The following ITSN2 variants were observed in gnomAD, a reference collection of about 807,000 sequenced individuals.
ITSN2 encodes the protein intersectin-2.
A neutral mutation model predicts 243.7 loss-of-function variants in ITSN2; 156 were observed. That is an observed-to-expected ratio of 0.64 (90% confidence interval 0.56 to 0.73). The LOEUF (loss-of-function observed/expected upper bound fraction) is 0.73, where lower values mean the gene tolerates loss of function less well. Ranked by LOEUF, ITSN2 falls within the 30% of genes least tolerant of loss-of-function variation. ITSN2 has a pLI of 0.00. For missense variants in ITSN2, 1,801 were observed against 1,996.1 expected (o/e 0.90, Z 1.86); for synonymous variants, 703 against 699.9 (o/e 1.00, Z -0.07).
rs1424335408 is a variant in ITSN2, at chr2:24,269,562, G to A, written c.2355+1109C>T. The stretch of plus-strand genomic sequence containing the variant: ...GCCACCAGAATGGCTCTCTGACCAT[G>A]GGAGAGGTCTGTGCTAAAGCTGGTA... On this transcript the variant is annotated intron_variant, in intron 20 of 39. Coordinates refer to ENST00000355123, the MANE Select transcript of ITSN2 (RefSeq NM_006277.3). Among the ~76,000 whole-genome samples, 4 of 152,202 alleles carry A rather than the reference G, an allele frequency of 2.6e-5. No homozygotes were observed. The East Asian group carries it at 7.7e-4, about 29-fold the overall frequency.
At position 24,209,866 on chromosome 2, in the gene ITSN2, C is replaced by G; in HGVS notation, c.4425G>C (p.Glu1475Asp). 1 of 1,614,198 alleles carries G rather than the reference C, an allele frequency of 6.2e-7. No individual in the cohort carries two copies. Among genetic ancestry groups the G allele is most frequent in the Non-Finnish European group, 8.5e-7 (1 of 1,180,036 alleles). ...VKQFAVSSGS[E>D]KLFSSKSNAQ... is the part of the protein sequence containing the mutation. The stretch of plus-strand genomic sequence containing the variant: ...CATTGGACTTCGAGCTGAAAAGTTT[C>G]TCAGAGCCAGAGGAAACAGCAAACT... The change falls in exon 35 of 40, where the codon GAG (glutamate) becomes GAC (aspartate). Residue 1475 changes from glutamate to aspartate, a missense_variant. Transcript: ENST00000355123.
chr2:24,282,995 T>C (rs1053084356), intron 17 of ITSN2, among the ~76,000 whole-genome samples: 1 of 151,474 alleles, frequency 6.6e-6, no homozygotes, highest in Non-Finnish European at 1.5e-5. Context: ...TCTTTACTAT[T>C]TCCTTCAAGT....
intron 29 of ITSN2, among the ~76,000 whole-genome samples, chr2:24,232,752 A>T (rs1288326933): frequency 1.3e-5 from 2 of 152,208 alleles, no homozygotes; most frequent in Admixed American, 6.5e-5. Context: ...GATAAATTAG[A>T]GCTACTACAT....
intron 1 of ITSN2, among the ~76,000 whole-genome samples, chr2:24,353,230 T>C (rs1688174433): frequency 6.6e-6 from 1 of 152,184 alleles, no homozygotes; most frequent in Non-Finnish European, 1.5e-5. Context: ...CACTAAGACC[T>C]CAAATAAATA....
Position 24,271,954 on chromosome 2 carries a change from G to C in ITSN2, c.2082-13C>G. 1 of 1,382,808 alleles carries C rather than the reference G, an allele frequency of 7.2e-7. No individual in the cohort carries two copies. Among genetic ancestry groups the C allele is most frequent in the Non-Finnish European group, 9.6e-7 (1 of 1,039,708 alleles). 85.7% of individuals were successfully genotyped at this position (1,382,808 alleles called of 1,614,324 possible). A position where few individuals can be genotyped will look rare whatever the true frequency, so the allele number is the denominator to read the frequency against. ...TTGCTTTGCTTTCCTTTACATAAAA[G>C]AAAAAGAGTTTGTATAATGTCCTAG... On this transcript the variant is annotated splice_polypyrimidine_tract_variant and intron_variant, in intron 18 of 39. Coordinates refer to ENST00000355123, the MANE Select transcript of ITSN2 (RefSeq NM_006277.3).
chr2:24,341,050 A>C (rs920890351), intron 1 of ITSN2, among the ~76,000 whole-genome samples: 5 of 152,214 alleles, frequency 3.3e-5, no homozygotes, highest in Non-Finnish European at 5.9e-5. Context: ...TCAAAGGTAG[A>C]ATAGACAGGA....
At chr2:24,342,938 A>C (rs1687179319) in intron 1 of ITSN2, among the ~76,000 whole-genome samples, 1 of 152,044 alleles carries the variant, frequency 6.6e-6, no homozygotes, top group South Asian at 2.1e-4. Context: ...AAAAATAAAA[A>C]AAATCAGCCA....
intron 38 of ITSN2, 23 bp downstream of exon 38, chr2:24,205,191 G>A (rs768054616): frequency 6.3e-7 from 1 of 1,599,778 alleles, no homozygotes; most frequent in South Asian, 1.1e-5. Context: ...TATGTCTGCT[G>A]AATGAATCAA....
At chr2:24,221,104 G>T (rs1670409357) in intron 29 of ITSN2, 38 bp from the exon 30 acceptor site, 2 of 1,585,340 alleles carry the variant, frequency 1.3e-6, no homozygotes, top group Admixed American at 1.9e-5. Flanking sequence ...TATTACTTTA[G>T]TCAACTTTGT....
At chr2:24,218,383 C>T (rs775020610) in intron 30 of ITSN2, among the ~76,000 whole-genome samples, 3 of 152,284 alleles carry the variant, frequency 2.0e-5, no homozygotes, top group Non-Finnish European at 2.9e-5. Context: ...GGTGGAGCAT[C>T]GTAGAGTTCT....
intron 20 of ITSN2, among the ~76,000 whole-genome samples, chr2:24,262,183 T>C (rs1558511872): frequency 6.6e-6 from 1 of 152,220 alleles, no homozygotes. Flanking sequence ...GATTGACCTC[T>C]CTTTCACTGT....
At chr2:24,295,629 C>T in intron 14 of ITSN2, 35 bp downstream of exon 14, 1 of 1,461,874 alleles carries the variant, frequency 6.8e-7, no homozygotes, top group Non-Finnish European at 9.0e-7. Flanking sequence ...ATTAATTGTA[C>T]ATGTTTAAGA....
rs908283641 is a variant in ITSN2, at chr2:24,209,994, G to A, written c.4297C>T (p.Arg1433Trp). 21 of 1,613,914 alleles carry A rather than the reference G, an allele frequency of 1.3e-5. No homozygotes were observed. Among genetic ancestry groups the A allele is most frequent in the South Asian group, 5.5e-5 (5 of 91,076 alleles). Reference sequence around the variant, plus strand: ...AATTTCCCACTGTGTAAGAGCTTCCGGGGCCCCAGGCAGTTGGTGAGAGAG... The same window carrying A: ...AATTTCCCACTGTGTAAGAGCTTCCAGGGCCCCAGGCAGTTGGTGAGAGAG... The part of the protein sequence containing the change: ...FNSLTNCLGP[R>W]KLLHSGKLYK... The change falls in exon 35 of 40, where the codon CGG becomes TGG. Residue 1433 changes from arginine to tryptophan, a missense_variant. Physicochemically the swap from Arg to Trp is moderately radical, Grantham distance 101. Transcript: ENST00000355123.
intron 1 of ITSN2, among the ~76,000 whole-genome samples, chr2:24,350,548 C>T (rs1291827566): frequency 6.6e-6 from 1 of 152,048 alleles, no homozygotes; most frequent in Non-Finnish European, 1.5e-5. Context: ...TTCACAATAG[C>T]CAAAAAGTAG....
intron 9 of ITSN2, among the ~76,000 whole-genome samples, chr2:24,302,457 C>T: frequency 6.6e-6 from 1 of 152,152 alleles, no homozygotes. Context: ...CTCAGCCTCC[C>T]AAAGTGCTGA....
chr2:24,208,351 C>T (rs766764053), intron 36 of ITSN2, 32 bp from the exon 37 acceptor site: 7 of 1,550,640 alleles, frequency 4.5e-6, no homozygotes, highest in Non-Finnish European at 5.3e-6. Context: ...CCGTTGGCCG[C>T]ATCCCACCCT....
rs750073294 is a variant in ITSN2, at chr2:24,216,151, G to C, written c.3888C>G (p.Ser1296=). ...AGAACCTGATGTAAGCCTGCATGTG[G>C]GACAGCTCAGCGGCCAGGATGTCCC... ...MIGDILAAEL[S]HMQAYIRFCS... The change falls in exon 32 of 40, where the codon TCC becomes TCG. Residue 1296 remains serine, a synonymous_variant. Coordinates refer to ENST00000355123, the MANE Select transcript of ITSN2 (RefSeq NM_006277.3). 9.3e-6 allele frequency: 15 copies of C among 1,612,796 alleles called. No individual in the cohort carries two copies. Among genetic ancestry groups the C allele is most frequent in the Non-Finnish European group, 1.2e-5 (14 of 1,179,392 alleles).
intron 20 of ITSN2, among the ~76,000 whole-genome samples, chr2:24,264,120 G>A (rs1332861350): frequency 2.6e-5 from 4 of 152,078 alleles, no homozygotes; most frequent in Non-Finnish European, 4.4e-5. Flanking sequence ...GGCTGGGCAC[G>A]GTGGCTCATG....
intron 2 of ITSN2, among the ~76,000 whole-genome samples, chr2:24,318,320 AT>A (rs1268116331): frequency 6.6e-6 from 1 of 151,928 alleles, no homozygotes; most frequent in Non-Finnish European, 1.5e-5. Flanking sequence ...TAATTTTTGT[AT>A]TTTTTGTAGA....
Sources: allele counts gnomAD v4.1 joint callset (sites outside exome capture counted in the v4.1 genomes callset), GRCh38; gene constraint gnomAD v4.1.1; transcripts MANE v1.5; gene names NCBI Gene and HGNC (gene_info 2026-07-23, HGNC 2026-07-21).